NDST3: variants seen among roughly 807,000 people sequenced by gnomAD.
The protein encoded by NDST3 is bifunctional heparan sulfate N-deacetylase/N-sulfotransferase 3.
A neutral mutation model predicts 96.1 loss-of-function variants in NDST3; 58 were observed. The ratio of observed to expected loss-of-function variants is 0.60; its 90% CI spans 0.49 to 0.75. The LOEUF (loss-of-function observed/expected upper bound fraction) is 0.75, where lower values mean the gene tolerates loss of function less well. Among genes scored for constraint, NDST3 ranks in the 30% least tolerant of loss-of-function variants. The pLI, the probability that NDST3 is intolerant of heterozygous loss-of-function variation, is 0.00. For missense variants in NDST3, 788 were observed against 1,034.2 expected (o/e 0.76, Z 3.27); for synonymous variants, 333 against 359.7 (o/e 0.93, Z 0.84).
rs79406253 is a variant in NDST3, at chr4:118,130,429, C to A, written c.1225-7625C>A. Among the ~76,000 whole-genome samples, 841 of 152,162 alleles carry A rather than the reference C, an allele frequency of 5.5e-3. 9 individuals are homozygous for A. Among genetic ancestry groups the A allele is most frequent in the African/African-American group, 0.019 (808 of 41,526 alleles). The stretch of plus-strand genomic sequence containing the variant: ...ACTGAAGACAACTTAACACTGATTG[C>A]ATAAACACAGAAAGAAAACTCTACA... On this transcript the variant is annotated intron_variant, in intron 4 of 13. Transcript: ENST00000296499.
intron 6 of NDST3, among the ~76,000 whole-genome samples, chr4:118,182,447 G>A (rs1443922875): frequency 6.6e-6 from 1 of 152,094 alleles, no homozygotes. Context: ...TATGTAAATG[G>A]TATCTCCAGT....
chr4:118,235,904 C>G (rs757803130), intron 9 of NDST3, among the ~76,000 whole-genome samples: 14 of 152,174 alleles, frequency 9.2e-5, no homozygotes, highest in Non-Finnish European at 1.8e-4. Context: ...CTGTGTTGCA[C>G]CAGCTAAGCT....
intron 2 of NDST3, among the ~76,000 whole-genome samples, chr4:118,065,482 G>A (rs1027095170): frequency 2.0e-5 from 3 of 151,944 alleles, no homozygotes; most frequent in Non-Finnish European, 4.4e-5. Context: ...CTTGGTTGGA[G>A]CAGATGTGTG....
intron 2 of NDST3, among the ~76,000 whole-genome samples, chr4:118,085,273 C>T (rs2125823314): frequency 6.6e-6 from 1 of 152,096 alleles, no homozygotes; most frequent in East Asian, 1.9e-4. Context: ...ATGCTTCTAG[C>T]GCTCTCAAAA....
chr4:118,219,015 A>G (rs1739372454), intron 6 of NDST3, among the ~76,000 whole-genome samples: 1 of 152,096 alleles, frequency 6.6e-6, no homozygotes, highest in South Asian at 2.1e-4. Flanking sequence ...AGTACTACAA[A>G]CCACTACTCA....
At chr4:118,210,006 A>AT (rs1738681764) in intron 6 of NDST3, among the ~76,000 whole-genome samples, 1 of 152,198 alleles carries the variant, frequency 6.6e-6, no homozygotes, top group African/African-American at 2.4e-5. Flanking sequence ...AACATGAAAG[A>AT]TAATAGACAC....
intron 12 of NDST3, among the ~76,000 whole-genome samples, chr4:118,242,914 T>C (rs923787642): frequency 2.0e-5 from 3 of 152,148 alleles, no homozygotes; most frequent in Non-Finnish European, 4.4e-5. Flanking sequence ...CTCACCCTAG[T>C]GCTGACTCTG....
chr4:118,166,428 A>C lies in NDST3; in HGVS notation c.1539+22744A>C, dbSNP rs556890151. Among the ~76,000 whole-genome samples the C allele has an allele frequency of 2.6e-5, 4 of 152,096 alleles. No homozygotes were observed. The South Asian group carries it at 6.2e-4, about 24-fold the overall frequency. On this transcript the variant is annotated intron_variant, in intron 6 of 13. Transcript: ENST00000296499. ...ACTAACCAAAAGCCTTCCAACAAAG[A>C]AACTTCCAGGAACAGATGTCTTTAC...
chr4:118,034,251 C>A (rs1040485900), upstream of NDST3: 1 of 152,108 alleles, frequency 6.6e-6, no homozygotes, highest in Admixed American at 6.5e-5. Context: ...GTAAAATATT[C>A]TTTGAGGAAC....
chr4:118,225,561 G>C (rs1739818454), intron 7 of NDST3, among the ~76,000 whole-genome samples: 1 of 152,144 alleles, frequency 6.6e-6, no homozygotes, highest in African/African-American at 2.4e-5. Flanking sequence ...TCAGTTGTAG[G>C]CCATCTGGTT....
chr4:118,103,880 C>G (rs1729958844), intron 2 of NDST3, among the ~76,000 whole-genome samples: 4 of 152,150 alleles, frequency 2.6e-5, no homozygotes, highest in Admixed American at 2.6e-4. Context: ...CAAAAACTTA[C>G]CATTGGCTAG....
At chr4:118,223,053 CA>C (rs953563016) in intron 6 of NDST3, among the ~76,000 whole-genome samples, 1 of 151,964 alleles carries the variant, frequency 6.6e-6, no homozygotes, top group African/African-American at 2.4e-5. Context: ...TAAAAATACA[CA>C]TTTTTAAAAT....
chr4:118,253,353 G>T (rs1376408811), intron 12 of NDST3, 146 bp from the exon 13 acceptor site: 12 of 522,952 alleles, frequency 2.3e-5, no homozygotes, highest in Non-Finnish European at 3.5e-5. Context: ...TAGTAAAAAA[G>T]AATTCAGTTT....
rs1273335316 is a variant in NDST3 at position 118,256,072 on chromosome 4, T to C, written c.*360T>C. ...CAACTAAGATTGTGTCTCTGTAGGT[T>C]TTTAGACCACTGTTTGCCTGTACGA... On this transcript the variant is annotated 3_prime_UTR_variant, in exon 14 of 14. Coordinates refer to ENST00000296499, the MANE Select transcript of NDST3 (RefSeq NM_004784.3). 1 of 155,208 alleles carries C rather than the reference T, an allele frequency of 6.4e-6. No individual in the cohort carries two copies. The highest frequency in any genetic ancestry group is 1.9e-4 in the East Asian group (1 of 5,354). The allele number at this position is 155,208 out of a possible 1,614,324, so 9.6% of individuals were successfully genotyped here.
At chr4:118,254,571 A>C (rs1741995556) in intron 13 of NDST3, among the ~76,000 whole-genome samples, 1 of 152,122 alleles carries the variant, frequency 6.6e-6, no homozygotes, top group Admixed American at 6.5e-5. Context: ...TGCTTACTTG[A>C]CATATATTAA....
intron 2 of NDST3, among the ~76,000 whole-genome samples, chr4:118,073,418 C>T (rs753036177): frequency 7.2e-5 from 11 of 151,926 alleles, no homozygotes; most frequent in Non-Finnish European, 1.0e-4. Flanking sequence ...TTGGTCTGTT[C>T]GGGGTTTCAA....
intron 6 of NDST3, among the ~76,000 whole-genome samples, chr4:118,187,162 A>G (rs577866259): frequency 3.3e-5 from 5 of 152,196 alleles, no homozygotes; most frequent in African/African-American, 4.8e-5. Context: ...ATAATACCCA[A>G]TGTATTCCTT....
Position 118,255,617 on chromosome 4 carries a change from T to G in NDST3, c.2527T>G (p.Tyr843Asp). ...SDSRTFLSSY[Y>D]RDHNVELSKL... ...GAGCAGGACATTTCTGTCAAGCTAC[T>G]ATCGAGATCACAACGTGGAACTCTC... Residue 843 changes from tyrosine (Y) to aspartate (D), a missense_variant, in exon 14 of 14, where the codon TAT becomes GAT. Tyr to Asp is a radical substitution (Grantham distance 160). Transcript: ENST00000296499. The G allele has an allele frequency of 6.2e-7, 1 of 1,613,696 alleles. No homozygotes were observed. The highest frequency in any genetic ancestry group is 8.5e-7 in the Non-Finnish European group (1 of 1,179,730).
chr4:118,132,251 T>A (rs1732694315), intron 4 of NDST3, among the ~76,000 whole-genome samples: 1 of 152,186 alleles, frequency 6.6e-6, no homozygotes, highest in Admixed American at 6.5e-5. Context: ...TCTGTTCTAC[T>A]ATGGCTAAGC....
Sources: gnomAD v4.1 joint callset for allele counts (sites outside exome capture counted in the v4.1 genomes callset) on GRCh38, gnomAD v4.1.1 for gene constraint, MANE v1.5 for transcripts, NCBI Gene and HGNC (gene_info 2026-07-23, HGNC 2026-07-21) for gene names.